Variants in PPP1R7 observed in about 807,000 individuals in gnomAD.
PPP1R7 encodes protein phosphatase 1 regulatory subunit 22.
In PPP1R7, 18 loss-of-function variants were observed where a neutral mutation model predicts 45.2. The observed-to-expected ratio is 0.40, with a 90% CI of 0.28 to 0.59. The LOEUF is 0.59. PPP1R7 is among the 20% of genes least tolerant of loss of function. PPP1R7 has a pLI of 0.46. For synonymous variants in PPP1R7, 181 were observed against 183.4 expected, an observed-to-expected ratio of 0.99 and a Z score of 0.11; for missense variants, 314 against 455.8, an observed-to-expected ratio of 0.69 and a Z score of 2.83.
chr2:241,150,440 C>A, upstream of PPP1R7: 1 of 1,496,722 alleles, frequency 6.7e-7, no homozygotes, highest in Non-Finnish European at 8.9e-7. Context: ...GGCGGGAGCC[C>A]TGATTGGCTG....
intron 7 of PPP1R7, among the ~76,000 whole-genome samples, chr2:241,165,009 C>T (rs997480911): frequency 6.6e-5 from 10 of 152,056 alleles, no homozygotes; most frequent in Non-Finnish European, 1.3e-4. Flanking sequence ...GGTTGTGCCA[C>T]TGCACTCCAG....
In PPP1R7 at chr2:241,169,821, A is replaced by G. The variant is rs145379027; in HGVS notation, c.860A>G (p.Lys287Arg). The change falls in exon 9 of 10, where the codon AAA becomes AGA. Residue 287 changes from lysine to arginine, a missense_variant. Lys to Arg is a conservative substitution (Grantham distance 26). Transcript: ENST00000234038. ...TMLDIASNRI[K>R]KIENISHLTE... ...TTGGACATTGCATCAAATAGAATCA[A>G]AAAGATTGAAAATATCAGCCATCTA... 8.1e-5 allele frequency: 130 copies of G among 1,613,212 alleles called. 1 individual carries two copies. In the African/African-American group the frequency reaches 1.4e-3, roughly 18 times the overall value.
At chr2:241,155,267 A>G (rs2125481821) in intron 2 of PPP1R7, 1 of 152,304 alleles carries the variant, frequency 6.6e-6, no homozygotes, top group African/African-American at 2.4e-5. Flanking sequence ...CATGTTCTGT[A>G]AGTACACCAG....
In PPP1R7 at chr2:241,176,446, A is replaced by AT. The variant is rs202207281; in HGVS notation, c.907-6192dup. On this transcript the variant is annotated intron_variant, in intron 9 of 9. Coordinates refer to ENST00000234038, the MANE Select transcript of PPP1R7 (RefSeq NM_002712.3). ...ACATAAAGCATTTCCTATCTCATTA[A>AT]TTTTTTTTTCTTTCTTTTTTTTTTT... 6.3e-3 allele frequency among the ~76,000 whole-genome samples: 940 copies of AT among 150,202 alleles called. 12 individuals are homozygous for AT. The highest frequency in any genetic ancestry group is 0.021 in the African/African-American group (865 of 40,912).
chr2:241,179,215 G>A (rs1008947842), intron 9 of PPP1R7, among the ~76,000 whole-genome samples: 1 of 152,188 alleles, frequency 6.6e-6, no homozygotes, highest in African/African-American at 2.4e-5. Flanking sequence ...TTACTGGGAA[G>A]GATGTTGAAG....
intron 5 of PPP1R7, among the ~76,000 whole-genome samples, 173 bp from the exon 6 acceptor site, chr2:241,160,159 G>A (rs1414859916): frequency 6.6e-5 from 10 of 152,156 alleles, no homozygotes; most frequent in Admixed American, 6.5e-4. Flanking sequence ...CCTCATGACA[G>A]CATCAGTGTG....
chr2:241,151,645 G>A lies in PPP1R7; in HGVS notation c.52+1098G>A, dbSNP rs539073958. On this transcript the variant is annotated intron_variant, in intron 1 of 9. Transcript: ENST00000234038. ...CTTCATACCCTTTGAGTCTTTTTAAGAAGCGCCTCTTCATATCCTCCCACT... is the reference window on the plus strand; with the variant it reads ...CTTCATACCCTTTGAGTCTTTTTAAAAAGCGCCTCTTCATATCCTCCCACT... The A allele has an allele frequency of 6.8e-4, 305 of 451,608 alleles. 1 individual carries two copies. Among genetic ancestry groups the A allele is most frequent in the Non-Finnish European group, 1.1e-3 (244 of 213,754 alleles). The allele number at this position is 451,608 out of a possible 1,614,324, so 28.0% of individuals were successfully genotyped here.
intron 9 of PPP1R7, among the ~76,000 whole-genome samples, chr2:241,176,356 C>T (rs770193982): frequency 5.3e-5 from 8 of 152,222 alleles, no homozygotes; most frequent in Non-Finnish European, 1.0e-4. Flanking sequence ...AAAAACAGCT[C>T]ACACCCAGGT....
chr2:241,179,167 C>G (rs1466570656), intron 9 of PPP1R7, among the ~76,000 whole-genome samples: 1 of 152,162 alleles, frequency 6.6e-6, no homozygotes, highest in Non-Finnish European at 1.5e-5. Flanking sequence ...CTAGCAGAAT[C>G]CCAGCCGTTG....
intron 1 of PPP1R7, chr2:241,151,443 G>A (rs1346345692): frequency 1.5e-5 from 7 of 470,936 alleles, no homozygotes; most frequent in African/African-American, 2.0e-5. Context: ...GCAGAAGCAG[G>A]GCGAGCTCTG....
chr2:241,169,637 C>A, intron 8 of PPP1R7, 144 bp from the exon 9 acceptor site: 1 of 638,872 alleles, frequency 1.6e-6, no homozygotes, highest in Admixed American at 2.6e-5. Context: ...TCTCGTCACC[C>A]TCCATAGCAT....
rs750817958 is a variant in PPP1R7, at chr2:241,159,320, T to C, written c.411T>C (p.Asn137=). The C allele has an allele frequency of 6.2e-7, 1 of 1,613,576 alleles. No homozygotes were observed. The highest frequency in any genetic ancestry group is 1.1e-5 in the South Asian group (1 of 91,062). Residue 137 remains asparagine, a synonymous_variant, in exon 5 of 10, where the codon AAT becomes AAC. Transcript: ENST00000234038. The part of the protein sequence containing the change: ...LYDNQIKKIE[N]LEALTELEIL... ...ACAACCAGATCAAGAAGATTGAGAA[T>C]CTGGAGGCGCTAACAGAGCTGGAGT...
intron 4 of PPP1R7, 86 bp from the exon 5 acceptor site, chr2:241,159,127 C>G (rs539939438): frequency 6.8e-7 from 1 of 1,469,164 alleles, no homozygotes; most frequent in South Asian, 1.2e-5. Flanking sequence ...ACCAGAAAGG[C>G]CTTTCTTGTG....
At chr2:241,150,229 C>A (rs2067221310), upstream of PPP1R7, 1 of 1,281,456 alleles carries the variant, frequency 7.8e-7, no homozygotes, top group Non-Finnish European at 9.8e-7. Flanking sequence ...CTGTGCGTCC[C>A]GCTTCGACTC....
At chr2:241,155,004 C>T (rs1410252764) in intron 2 of PPP1R7, 2 of 152,220 alleles carry the variant, frequency 1.3e-5, no homozygotes, top group African/African-American at 2.4e-5. Flanking sequence ...AAGTACCAGT[C>T]ACATTCACTT....
In PPP1R7 at chr2:241,163,286, C is replaced by T. The variant is rs1478545260; in HGVS notation, c.599C>T (p.Ala200Val). The T allele has an allele frequency of 6.2e-7, 1 of 1,605,214 alleles. No homozygotes were observed. The highest frequency in any genetic ancestry group is 8.5e-7 in the Non-Finnish European group (1 of 1,171,970). The stretch of plus-strand genomic sequence containing the variant: ...ATTGCTGTTCTGTCCTTTCCACAGG[C>T]AATCGAAAATATCGACACCTTAACC... ...MLELGSNRIR[A>V]IENIDTLTNL... is the part of the protein sequence containing the mutation. Residue 200 changes from alanine to valine, a missense_variant and splice_region_variant, in exon 7 of 10, where the codon GCA becomes GTA. Physicochemically the swap from Ala to Val is moderately conservative, Grantham distance 64 (BLOSUM62 0). Coordinates refer to ENST00000234038, the MANE Select transcript of PPP1R7 (RefSeq NM_002712.3).
intron 9 of PPP1R7, among the ~76,000 whole-genome samples, chr2:241,173,667 C>T (rs764504018): frequency 1.3e-5 from 2 of 152,196 alleles, no homozygotes; most frequent in Non-Finnish European, 2.9e-5. Context: ...CTCCTCACCC[C>T]GGTTTCTCTC....
At chr2:241,157,901 T>A (rs770393928) in intron 3 of PPP1R7, 39 bp downstream of exon 3, 19 of 1,575,336 alleles carry the variant, frequency 1.2e-5, no homozygotes, top group Non-Finnish European at 1.6e-5. Context: ...GGCGTGGTGA[T>A]GGACCACCCT....
At chr2:241,151,178 A>C (rs906474076) in intron 1 of PPP1R7, among the ~76,000 whole-genome samples, 3 of 152,224 alleles carry the variant, frequency 2.0e-5, no homozygotes, top group Non-Finnish European at 4.4e-5. Context: ...TTTTCTGCAT[A>C]TCTGTAGGTA....
Sources: gnomAD v4.1 joint callset for allele counts (sites outside exome capture counted in the v4.1 genomes callset) on GRCh38, gnomAD v4.1.1 for gene constraint, MANE v1.5 for transcripts, NCBI Gene and HGNC (gene_info 2026-07-23, HGNC 2026-07-21) for gene names.